Variants in RTN1 observed in about 807,000 individuals in gnomAD.
RTN1 encodes reticulon-1.
A neutral mutation model predicts 65.5 loss-of-function variants in RTN1; 25 were observed. That is an observed-to-expected ratio of 0.38 (90% confidence interval 0.28 to 0.53). RTN1 has a LOEUF of 0.53. Ranked by LOEUF, RTN1 falls within the 20% of genes least tolerant of loss-of-function variation. RTN1 has a pLI of 0.79. For synonymous variants in RTN1, 471 were observed against 447.6 expected, an observed-to-expected ratio of 1.05 and a Z score of -0.66; for missense variants, 983 against 1,025.4, an observed-to-expected ratio of 0.96 and a Z score of 0.57.
intron 3 of RTN1, among the ~76,000 whole-genome samples, chr14:59,687,385 G>A (rs947397437): frequency 6.6e-5 from 10 of 151,578 alleles, no homozygotes; most frequent in African/African-American, 1.9e-4. Context: ...ATCAGTAGTC[G>A]GAGCCAGCCT....
chr14:59,654,546 A>C (rs1432779052), intron 3 of RTN1, among the ~76,000 whole-genome samples: 4 of 152,004 alleles, frequency 2.6e-5, no homozygotes, highest in Non-Finnish European at 5.9e-5. Flanking sequence ...ACTACAGAGC[A>C]ATATCTCTTA....
At chr14:59,713,494 ATTCTGGTTTCGACCAG>A (rs1338861889) in intron 3 of RTN1, among the ~76,000 whole-genome samples, 3 of 152,236 alleles carry the variant, frequency 2.0e-5, no homozygotes, top group Non-Finnish European at 4.4e-5. Context: ...ATAACTTGGC[ATTCTGGTTTCGACCAG>A]ACTCAGACAA....
chr14:59,855,319 C>A (rs1203316870), intron 1 of RTN1, among the ~76,000 whole-genome samples: 2 of 152,176 alleles, frequency 1.3e-5, no homozygotes, highest in Non-Finnish European at 2.9e-5. Context: ...TTCCTCTTCA[C>A]TCTGCTGTCG....
intron 3 of RTN1, among the ~76,000 whole-genome samples, chr14:59,612,694 T>C (rs533137983): frequency 6.6e-6 from 1 of 152,342 alleles, no homozygotes; most frequent in East Asian, 1.9e-4. Context: ...CAGTACTGTA[T>C]AAAATTTCTG....
intron 1 of RTN1, among the ~76,000 whole-genome samples, chr14:59,798,350 A>T (rs942203120): frequency 6.6e-6 from 1 of 152,232 alleles, no homozygotes; most frequent in African/African-American, 2.4e-5. Flanking sequence ...CTTGTATATT[A>T]ATTTCCTATT....
intron 3 of RTN1, among the ~76,000 whole-genome samples, chr14:59,654,759 A>C (rs1025655630): frequency 2.0e-5 from 3 of 152,218 alleles, no homozygotes; most frequent in Non-Finnish European, 4.4e-5. Flanking sequence ...TTTCATGTTA[A>C]AAACGACAAC....
intron 1 of RTN1, among the ~76,000 whole-genome samples, chr14:59,763,531 C>CTTT (rs567181046): frequency 1.6e-5 from 2 of 127,376 alleles, no homozygotes; most frequent in Non-Finnish European, 3.3e-5. Flanking sequence ...AATTTTCTTT[C>CTTT]TTTTTTTTTT....
intron 8 of RTN1, 56 bp downstream of exon 8, chr14:59,603,009 C>T: frequency 6.9e-7 from 1 of 1,445,120 alleles, no homozygotes; most frequent in Non-Finnish European, 9.7e-7. Context: ...TCCTAATCCA[C>T]TCAAATGCTG....
intron 2 of RTN1, among the ~76,000 whole-genome samples, chr14:59,742,034 T>C (rs1885126352): frequency 6.6e-6 from 1 of 152,208 alleles, no homozygotes; most frequent in South Asian, 2.1e-4. Flanking sequence ...AGGGACCTTG[T>C]ACATCTTATT....
intron 3 of RTN1, among the ~76,000 whole-genome samples, chr14:59,702,492 G>A (rs957639354): frequency 1.3e-5 from 2 of 152,128 alleles, no homozygotes; most frequent in Non-Finnish European, 2.9e-5. Flanking sequence ...TCATTCAGTT[G>A]CAAGGCTTTT....
At chr14:59,784,284 A>T (rs1272515473) in intron 1 of RTN1, among the ~76,000 whole-genome samples, 1 of 151,892 alleles carries the variant, frequency 6.6e-6, no homozygotes, top group Non-Finnish European at 1.5e-5. Context: ...ACTAAAAAAA[A>T]TACAAAATTA....
chr14:59,820,706 C>A (rs572496927), intron 1 of RTN1, among the ~76,000 whole-genome samples: 2 of 152,238 alleles, frequency 1.3e-5, no homozygotes, highest in African/African-American at 2.4e-5. Flanking sequence ...CCCATGGAGT[C>A]CCTCACATGA....
rs760371015 is a variant in RTN1 at position 59,825,198 on chromosome 14, G to A, written c.241+45192C>T. 6.6e-6 allele frequency among the ~76,000 whole-genome samples: 1 copy of A among 152,150 alleles called. No individual in the cohort carries two copies. The highest frequency in any genetic ancestry group is 2.4e-5 in the African/African-American group (1 of 41,432). Reference sequence around the variant, plus strand: ...TACCGACTAGGTGCCAATAGCACCCGAGTCATGTCTATTAAAAATGTCTCC... The same window carrying A: ...TACCGACTAGGTGCCAATAGCACCCAAGTCATGTCTATTAAAAATGTCTCC... On this transcript the variant is annotated intron_variant, in intron 1 of 8. Transcript: ENST00000267484. This position sits in a 1 kb window ranked among gnomAD's most constrained non-coding sequence, Gnocchi z 4.2.
chr14:59,654,003 A>G (rs1393668922), intron 3 of RTN1, among the ~76,000 whole-genome samples: 1 of 151,992 alleles, frequency 6.6e-6, no homozygotes, highest in African/African-American at 2.4e-5. Flanking sequence ...GCTCACTGCA[A>G]CCTCCACCTC....
chr14:59,630,683 G>C (rs1480313996), intron 3 of RTN1: 11 of 1,173,828 alleles, frequency 9.4e-6, no homozygotes, highest in Non-Finnish European at 1.2e-5. Flanking sequence ...CGCAGTCTGC[G>C]CGGCCGGCAG....
At chr14:59,789,084 G>A (rs1468652462) in intron 1 of RTN1, among the ~76,000 whole-genome samples, 5 of 151,832 alleles carry the variant, frequency 3.3e-5, no homozygotes, top group Non-Finnish European at 5.9e-5. Flanking sequence ...ATCATTAAAA[G>A]TATGTTCTTC....
chr14:59,682,593 A>G (rs1219421976), intron 3 of RTN1, among the ~76,000 whole-genome samples: 1 of 152,234 alleles, frequency 6.6e-6, no homozygotes, highest in African/African-American at 2.4e-5. Flanking sequence ...TTCTGTTTAC[A>G]TTAACACAAC....
chr14:59,758,190 T>C (rs1885678030), intron 1 of RTN1, among the ~76,000 whole-genome samples: 1 of 152,186 alleles, frequency 6.6e-6, no homozygotes. Context: ...GACAGACACT[T>C]ACCACCTTCT....
chr14:59,741,034 G>A lies in RTN1; in HGVS notation c.1015+4674C>T, dbSNP rs142312476. The stretch of plus-strand genomic sequence containing the variant: ...TGAACATGGGCTATTTTAGTAAGTT[G>A]CAGACACCAGTGTCCAACTGTGAAT... On this transcript the variant is annotated intron_variant, in intron 2 of 8. Transcript: ENST00000267484. Among the ~76,000 whole-genome samples the A allele has an allele frequency of 6.6e-4, 100 of 152,272 alleles. No homozygotes were observed. In the East Asian group the frequency reaches 0.013, roughly 20 times the overall value.
Sources: allele counts gnomAD v4.1 joint callset (sites outside exome capture counted in the v4.1 genomes callset), GRCh38; gene constraint gnomAD v4.1.1; non-coding constraint Gnocchi (gnomAD v3.1); transcripts MANE v1.5; gene names NCBI Gene and HGNC (gene_info 2026-07-23, HGNC 2026-07-21).